The following KMT5A variants were observed in gnomAD, a reference collection of about 807,000 sequenced individuals.
The protein encoded by KMT5A is lysine methyltransferase 5A, also known as N-lysine methyltransferase KMT5A.
KMT5A carries 6 observed loss-of-function variants against 40.6 expected under a neutral mutation model. The observed-to-expected ratio is 0.15, with a 90% CI of 0.08 to 0.29. The LOEUF is 0.29. Among genes scored for constraint, KMT5A ranks in the 10% least tolerant of loss-of-function variants. KMT5A has a pLI of 1.00. For missense variants in KMT5A, 308 were observed against 459.1 expected (o/e 0.67, Z 3.01); for synonymous variants, 153 against 178.8 (o/e 0.86, Z 1.15).
At position 123,395,206 on chromosome 12, in the gene KMT5A, C is replaced by T; in HGVS notation, c.449C>T (p.Ala150Val). ...TPPSSCDSTNAAIAKQALKKP... is the reference protein window; with the variant it reads ...TPPSSCDSTNVAIAKQALKKP... ...CCCTCATCTTGTGATTCCACCAATG[C>T]AGCCATCGCCAAGCAAGCCCTGAAA... The change falls in exon 4 of 8, where the codon GCA (alanine) becomes GTA (valine). Residue 150 changes from alanine to valine, a missense_variant. Around this residue, in one of 4 missense-constraint regions of KMT5A, gnomAD observed 127 missense variants for 129.8 expected, o/e 0.98. Transcript: ENST00000402868. The T allele has an allele frequency of 6.2e-7, 1 of 1,613,618 alleles. No individual in the cohort carries two copies. Among genetic ancestry groups the T allele is most frequent in the Non-Finnish European group, 8.5e-7 (1 of 1,179,818 alleles).
rs1877035934 is a variant in KMT5A, at chr12:123,388,912, GC to G, written c.11-516del. On this transcript the variant is annotated intron_variant, in intron 1 of 7. Transcript: ENST00000402868. ...CGGCCTGGCGGCGCCGCCCCTACCAGCCCCCTCCCCGGGCCGGGCGCCGGAC... is the reference window on the plus strand; with the variant it reads ...CGGCCTGGCGGCGCCGCCCCTACCAGCCCCTCCCCGGGCCGGGCGCCGGAC... 5 of 145,950 alleles carry G rather than the reference GC, an allele frequency of 3.4e-5. No homozygotes were observed. The South Asian group carries it at 1.1e-3, about 31-fold the overall frequency. 9.0% of individuals were successfully genotyped at this position (145,950 alleles called of 1,614,324 possible).
At chr12:123,398,238 C>T (rs186026521) in intron 5 of KMT5A, among the ~76,000 whole-genome samples, 27 of 151,716 alleles carry the variant, frequency 1.8e-4, no homozygotes, top group Admixed American at 8.5e-4. Flanking sequence ...GCCGAGATCG[C>T]GCCACCGCAC....
chr12:123,392,536 C>T (rs1431995006), intron 3 of KMT5A, among the ~76,000 whole-genome samples: 6 of 152,054 alleles, frequency 3.9e-5, no homozygotes, highest in African/African-American at 1.2e-4. Context: ...TGGTGGCATG[C>T]ATCTGTAGTC....
chr12:123,400,991 C>G (rs182582843), intron 5 of KMT5A, among the ~76,000 whole-genome samples: 1 of 151,054 alleles, frequency 6.6e-6, no homozygotes, highest in Non-Finnish European at 1.5e-5. Context: ...GACAGGGTTT[C>G]GTCATGTTGG....
At chr12:123,403,519 G>A (rs565194084) in intron 5 of KMT5A, 54 bp from the exon 6 acceptor site, 27 of 1,598,812 alleles carry the variant, frequency 1.7e-5, no homozygotes, top group African/African-American at 1.3e-4. Context: ...ATCAAGCTAC[G>A]CACGATGGGC....
intron 2 of KMT5A, 100 bp from the exon 3 acceptor site, chr12:123,390,530 C>T: frequency 6.9e-7 from 1 of 1,441,918 alleles, no homozygotes; most frequent in Non-Finnish European, 9.4e-7. Flanking sequence ...TTTTGAAAAA[C>T]GGTGTTGTCT....
rs1376439928 is a variant in KMT5A, at chr12:123,384,744, G to A, written c.10+536G>A. The stretch of plus-strand genomic sequence containing the variant: ...TCTGCGCCGCTGGAGCGAAGGCCGG[G>A]CCCCGCTGGCCCACTTTGGGGTAAA... On this transcript the variant is annotated intron_variant, in intron 1 of 7. Coordinates refer to ENST00000402868, the MANE Select transcript of KMT5A (RefSeq NM_020382.7). This position sits in a 1 kb window ranked among gnomAD's most constrained non-coding sequence, Gnocchi z 5.7. Among the ~76,000 whole-genome samples, 2 of 152,258 alleles carry A rather than the reference G, an allele frequency of 1.3e-5. No homozygotes were observed. Among genetic ancestry groups the A allele is most frequent in the Non-Finnish European group, 2.9e-5 (2 of 68,044 alleles).
At position 123,403,737 on chromosome 12, in the gene KMT5A, G is replaced by C. The variant is rs979490188; in HGVS notation, c.657+105G>C. ...CACCATGTGGCTTTCACCCTCTAAT[G>C]GCCATGGTGACCAGGCAGACTCTAT... On this transcript the variant is annotated intron_variant, in intron 6 of 7. Transcript: ENST00000402868. 3.2e-6 allele frequency: 4 copies of C among 1,266,846 alleles called. No individual in the cohort carries two copies. In the African/African-American group the frequency reaches 4.4e-5, roughly 14 times the overall value. The allele number at this position is 1,266,846 out of a possible 1,614,324, so 78.5% of individuals were successfully genotyped here.
chr12:123,388,010 T>G (rs983530340), intron 1 of KMT5A, among the ~76,000 whole-genome samples: 2 of 152,130 alleles, frequency 1.3e-5, no homozygotes, highest in African/African-American at 2.4e-5. Context: ...ACAAATACAG[T>G]GAATCTGGCT....
At chr12:123,387,502 G>A (rs970320372) in intron 1 of KMT5A, among the ~76,000 whole-genome samples, 3 of 152,224 alleles carry the variant, frequency 2.0e-5, no homozygotes, top group African/African-American at 7.2e-5. Flanking sequence ...CTGGTTATCA[G>A]AGTGTCACTT....
chr12:123,394,378 C>CA (rs973625168), intron 3 of KMT5A, among the ~76,000 whole-genome samples: 1 of 152,172 alleles, frequency 6.6e-6, no homozygotes, highest in African/African-American at 2.4e-5. Context: ...GCTGGGATTA[C>CA]AGGCAGGAGC....
At chr12:123,385,971 A>G (rs1284332363) in intron 1 of KMT5A, among the ~76,000 whole-genome samples, 1 of 152,186 alleles carries the variant, frequency 6.6e-6, no homozygotes, top group East Asian at 1.9e-4. Context: ...GGAAGCGTGA[A>G]GTCCAAACTT....
intron 5 of KMT5A, among the ~76,000 whole-genome samples, chr12:123,401,332 T>C (rs940556118): frequency 2.0e-5 from 3 of 150,738 alleles, no homozygotes; most frequent in African/African-American, 7.3e-5. Context: ...GTATTTTTAG[T>C]AGAGATGGGG....
chr12:123,406,376 A>G lies in KMT5A; in HGVS notation c.849-1117A>G, dbSNP rs374922049. 4.6e-5 allele frequency among the ~76,000 whole-genome samples: 7 copies of G among 152,136 alleles called. No homozygotes were observed. In the East Asian group the frequency reaches 1.4e-3, roughly 30 times the overall value. On this transcript the variant is annotated intron_variant, in intron 7 of 7. Coordinates refer to ENST00000402868, the MANE Select transcript of KMT5A (RefSeq NM_020382.7). ...GTTGTCCAGGCAGGAGTGCAGTGGCACGATCTTGGCTCACTGCAACTTCCA... is the reference window on the plus strand; with the variant it reads ...GTTGTCCAGGCAGGAGTGCAGTGGCGCGATCTTGGCTCACTGCAACTTCCA...
chr12:123,396,569 G>A, intron 5 of KMT5A, 137 bp downstream of exon 5: 1 of 748,760 alleles, frequency 1.3e-6, no homozygotes, highest in Non-Finnish European at 2.2e-6. Context: ...TCTGGACTTG[G>A]TTTTCTCCTG....
At chr12:123,397,325 C>A (rs1323318684) in intron 5 of KMT5A, among the ~76,000 whole-genome samples, 3 of 152,184 alleles carry the variant, frequency 2.0e-5, no homozygotes, top group Non-Finnish European at 4.4e-5. Flanking sequence ...CCTCTGCTCT[C>A]CCTCACCCCC....
Position 123,408,675 on chromosome 12 carries a change from A to G in KMT5A, c.*972A>G, listed in dbSNP as rs111937532. 0.015 allele frequency: 2,255 copies of G among 150,040 alleles called. 22 individuals are homozygous for G. The highest frequency in any genetic ancestry group is 0.035 in the South Asian group (168 of 4,752). 9.3% of individuals were successfully genotyped at this position (150,040 alleles called of 1,614,324 possible). On this transcript the variant is annotated 3_prime_UTR_variant, in exon 8 of 8. Transcript: ENST00000402868. ...AGTGGGACCAGAAATTACTTACCTG[A>G]CATCCACCCCCATTCCCCCTCATCC...
chr12:123,389,919 C>G (rs996230093), intron 2 of KMT5A: 1 of 378,392 alleles, frequency 2.6e-6, no homozygotes, highest in South Asian at 2.0e-5. Flanking sequence ...CGCCCTCCTC[C>G]GTCTGTACTT....
At chr12:123,398,302 C>G (rs1185996324) in intron 5 of KMT5A, among the ~76,000 whole-genome samples, 1 of 151,774 alleles carries the variant, frequency 6.6e-6, no homozygotes, top group African/African-American at 2.4e-5. Context: ...AAAGACAGCA[C>G]TGCAGATGGT....
Sources: gnomAD v4.1 joint callset for allele counts (sites outside exome capture counted in the v4.1 genomes callset) on GRCh38, gnomAD v4.1.1 for gene constraint, gnomAD v4.1.1 regional missense constraint, Gnocchi (gnomAD v3.1) non-coding constraint, MANE v1.5 for transcripts, NCBI Gene and HGNC (gene_info 2026-07-23, HGNC 2026-07-21) for gene names.